The following ZBTB22 variants were observed in gnomAD, a reference collection of about 807,000 sequenced individuals.
The protein encoded by ZBTB22 is zinc finger and BTB domain-containing protein 22.
For missense variants in ZBTB22, 668 were observed against 834.1 expected (o/e 0.80, Z 2.45); for synonymous variants, 356 against 347.3 (o/e 1.03, Z -0.28).
In ZBTB22 at chr6:33,316,876, G is replaced by A. The variant is rs199691306; in HGVS notation, c.41C>T (p.Pro14Leu). The change falls in exon 2 of 2, where the codon CCC becomes CTC. Residue 14 changes from proline (P) to leucine (L), a missense_variant. Pro to Leu is a moderately conservative substitution (Grantham distance 98). Transcript: ENST00000431845. This position sits in a 1 kb window ranked among gnomAD's most constrained non-coding sequence, Gnocchi z 7.2. Reference protein sequence around the residue: ...SPLSPSGAALPLPLSLAPPPL... With the variant: ...SPLSPSGAALLLPLSLAPPPL... ...GGGCGGAGCCAGCGACAGCGGCAGG[G>A]GAAGTGCTGCCCCACTGGGAGACAG... The A allele has an allele frequency of 5.0e-6, 8 of 1,612,136 alleles. No individual in the cohort carries two copies. In the Admixed American group the frequency reaches 1.0e-4, roughly 20 times the overall value.
Position 33,314,817 on chromosome 6 carries a change from T to G in ZBTB22, c.*195A>C, listed in dbSNP as rs1562705066. ...GAAGGGTTTAGTTCTGGAAATACCT[T>G]GGGGGGGAGGGGTTGAGTAGTAGAA... On this transcript the variant is annotated 3_prime_UTR_variant, in exon 2 of 2. Coordinates refer to ENST00000431845, the MANE Select transcript of ZBTB22 (RefSeq NM_005453.5). 2.7e-6 allele frequency: 3 copies of G among 1,111,472 alleles called. No homozygotes were observed. The highest frequency in any genetic ancestry group is 3.5e-5 in the Admixed American group (1 of 28,724). 68.9% of individuals were successfully genotyped at this position (1,111,472 alleles called of 1,614,324 possible). A position where few individuals can be genotyped will look rare whatever the true frequency, so the allele number is the denominator to read the frequency against.
Position 33,315,195 on chromosome 6 carries a change from G to C in ZBTB22, c.1722C>G (p.Ala574=), listed in dbSNP as rs773239623. Residue 574 remains alanine (A), a synonymous_variant, in exon 2 of 2, where the codon GCC becomes GCG. Transcript: ENST00000431845. This position sits in a 1 kb window ranked among gnomAD's most constrained non-coding sequence, Gnocchi z 5.4. The stretch of plus-strand genomic sequence containing the variant: ...CCGTGGGAGTCCCAGGCCCAGGTAC[G>C]GCCCCGACCCCGCCCAGGCGGTGCC... ...ERRHRLGGVG[A]VPGPGTPTGP... 5.0e-6 allele frequency: 8 copies of C among 1,612,412 alleles called. No homozygotes were observed. Among genetic ancestry groups the C allele is most frequent in the Non-Finnish European group, 5.9e-6 (7 of 1,179,208 alleles).
At position 33,315,453 on chromosome 6, in the gene ZBTB22, G is replaced by A. The variant is rs1345743306; in HGVS notation, c.1464C>T (p.Cys488=). The A allele has an allele frequency of 3.7e-6, 6 of 1,614,002 alleles. No homozygotes were observed. The African/African-American group carries it at 4.0e-5, about 11-fold the overall frequency. Reference sequence around the variant, plus strand: ...TGTGGGAGAAGGCCTTCCCACAATGGCACAGAAAGATCTTATTCCCGTCCC... The same window carrying A: ...TGTGGGAGAAGGCCTTCCCACAATGACACAGAAAGATCTTATTCCCGTCCC... The part of the protein sequence containing the change: ...GSGDGNKIFL[C]HCGKAFSHKS... Residue 488 remains cysteine, a synonymous_variant, in exon 2 of 2, where the codon TGC becomes TGT. Coordinates refer to ENST00000431845, the MANE Select transcript of ZBTB22 (RefSeq NM_005453.5). This position sits in a 1 kb window ranked among gnomAD's most constrained non-coding sequence, Gnocchi z 5.4.
rs756819129 is a variant in ZBTB22 at position 33,316,382 on chromosome 6, C to T, written c.535G>A (p.Gly179Ser). 1 of 1,614,050 alleles carries T rather than the reference C, an allele frequency of 6.2e-7. No individual in the cohort carries two copies. Among genetic ancestry groups the T allele is most frequent in the South Asian group, 1.1e-5 (1 of 91,082 alleles). ...CCCATGGTAGCAGGGGCCACAGTGC[C>T]CCCACTCCCGGATGGCACCCCAGCA... ...PGAGVPSGSGGTVAPATMGSA... is the reference protein window; with the variant it reads ...PGAGVPSGSGSTVAPATMGSA... Residue 179 changes from glycine to serine, a missense_variant, in exon 2 of 2, where the codon GGC becomes AGC. Transcript: ENST00000431845. This position sits in a 1 kb window ranked among gnomAD's most constrained non-coding sequence, Gnocchi z 7.2.
Position 33,315,540 on chromosome 6 carries a change from C to T in ZBTB22, c.1377G>A (p.Thr459=), listed in dbSNP as rs749582553. The change falls in exon 2 of 2, where the codon ACG becomes ACA. Residue 459 remains threonine (T), a synonymous_variant. Transcript: ENST00000431845. The surrounding 1 kb of genome is among the most constrained non-coding windows in gnomAD (Gnocchi z 5.4). ...AEHGAVTVGG[T]SVGSLGVPGS... ...CCGGCACACCCAGGCTCCCCACCGA[C>T]GTGCCCCCCACGGTCACTGCCCCGT... is the stretch of plus-strand genomic sequence containing the variant. The T allele has an allele frequency of 1.2e-6, 2 of 1,613,934 alleles. No individual in the cohort carries two copies. Among genetic ancestry groups the T allele is most frequent in the Non-Finnish European group, 1.7e-6 (2 of 1,180,028 alleles).
Position 33,315,825 on chromosome 6 carries a change from C to G in ZBTB22, c.1092G>C (p.Leu364=). The part of the protein sequence containing the change: ...ATLSISDVRT[L]SEPPDKGEEQ... ...CCTCCCCCTTGTCTGGGGGCTCACT[C>G]AGGGTACGGACATCACTTATGCTGA... The change falls in exon 2 of 2, where the codon CTG becomes CTC. Residue 364 remains leucine (L), a synonymous_variant. Coordinates refer to ENST00000431845, the MANE Select transcript of ZBTB22 (RefSeq NM_005453.5). The surrounding 1 kb of genome is among the most constrained non-coding windows in gnomAD (Gnocchi z 5.4). 1.9e-6 allele frequency: 3 copies of G among 1,612,858 alleles called. No homozygotes were observed. The highest frequency in any genetic ancestry group is 2.5e-6 in the Non-Finnish European group (3 of 1,179,266).
In ZBTB22 at chr6:33,314,854, T is replaced by C; in HGVS notation, c.*158A>G. On this transcript the variant is annotated 3_prime_UTR_variant, in exon 2 of 2. Transcript: ENST00000431845. ...GTTGAGTAGTAGAATGGGCGGGCGA[T>C]GGTGAAACTGTGGTTCCCCTTCCAG... 3 of 1,365,092 alleles carry C rather than the reference T, an allele frequency of 2.2e-6. No homozygotes were observed. Among genetic ancestry groups the C allele is most frequent in the Non-Finnish European group, 1.9e-6 (2 of 1,040,860 alleles). The allele number at this position is 1,365,092 out of a possible 1,614,324, so 84.6% of individuals were successfully genotyped here.
Position 33,315,638 on chromosome 6 carries a change from G to C in ZBTB22, c.1279C>G (p.Leu427Val). ...LPLDMQGNQI[L>V]VFPSSSSSSS... ...GATGAAGACGACGACGGGAAGACCAGGATCTGGTTGCCCTGCATGTCCAAG... is the reference window on the plus strand; with the variant it reads ...GATGAAGACGACGACGGGAAGACCACGATCTGGTTGCCCTGCATGTCCAAG... Residue 427 changes from leucine to valine, a missense_variant, in exon 2 of 2, where the codon CTG becomes GTG. Coordinates refer to ENST00000431845, the MANE Select transcript of ZBTB22 (RefSeq NM_005453.5). This position sits in a 1 kb window ranked among gnomAD's most constrained non-coding sequence, Gnocchi z 5.4. 4 of 1,614,010 alleles carry C rather than the reference G, an allele frequency of 2.5e-6. No homozygotes were observed. Among genetic ancestry groups the C allele is most frequent in the Non-Finnish European group, 3.4e-6 (4 of 1,179,988 alleles).
In ZBTB22 at chr6:33,315,852, G is replaced by A. The variant is rs745350796; in HGVS notation, c.1065C>T (p.Thr355=). 6 of 1,613,422 alleles carry A rather than the reference G, an allele frequency of 3.7e-6. No individual in the cohort carries two copies. Among genetic ancestry groups the A allele is most frequent in the South Asian group, 2.2e-5 (2 of 91,048 alleles). Residue 355 remains threonine, a synonymous_variant, in exon 2 of 2, where the codon ACC becomes ACT. Transcript: ENST00000431845. This position sits in a 1 kb window ranked among gnomAD's most constrained non-coding sequence, Gnocchi z 5.4. Reference sequence around the variant, plus strand: ...GGGTACGGACATCACTTATGCTGAGGGTAGCCTCAGGCCCTCCCCCCACTG... The same window carrying A: ...GGGTACGGACATCACTTATGCTGAGAGTAGCCTCAGGCCCTCCCCCCACTG... ...RVPVGGGPEA[T]LSISDVRTLS...
chr6:33,314,655 C>G lies in ZBTB22; in HGVS notation c.*357G>C. 1 of 276,250 alleles carries G rather than the reference C, an allele frequency of 3.6e-6. No homozygotes were observed. The highest frequency in any genetic ancestry group is 6.9e-6 in the Non-Finnish European group (1 of 145,706). The allele number at this position is 276,250 out of a possible 1,614,324, so 17.1% of individuals were successfully genotyped here. A position where few individuals can be genotyped will look rare whatever the true frequency, so the allele number is the denominator to read the frequency against. ...CCTTGTCTCCACGACAACACAAACA[C>G]AGACTTCAGGCACAGACTACAACCA... On this transcript the variant is annotated 3_prime_UTR_variant, in exon 2 of 2. Coordinates refer to ENST00000431845, the MANE Select transcript of ZBTB22 (RefSeq NM_005453.5).
At position 33,315,906 on chromosome 6, in the gene ZBTB22, ATCT is replaced by A. The variant is rs1273985408; in HGVS notation, c.1008_1010del (p.Glu336del). On this transcript the variant is annotated inframe_deletion, in exon 2 of 2. Coordinates refer to ENST00000431845, the MANE Select transcript of ZBTB22 (RefSeq NM_005453.5). The surrounding 1 kb of genome is among the most constrained non-coding windows in gnomAD (Gnocchi z 5.4). ...CCCTGGAGCTACCCCCTAGTTCTTC[ATCT>A]TCATCATCCTCACAGGTCAACACCA... is the stretch of plus-strand genomic sequence containing the variant. 2 of 1,613,604 alleles carry A rather than the reference ATCT, an allele frequency of 1.2e-6. No individual in the cohort carries two copies. The highest frequency in any genetic ancestry group is 1.3e-5 in the African/African-American group (1 of 74,820).
rs1214295739 is a variant in ZBTB22, at chr6:33,317,501, C to CA, written c.-70+151_-70+152insT. ...CCCGCCCCTTTCCAGGCCCACCCCC[C>CA]CGTGCCCCGCCCACTATCGGGCCTT... On this transcript the variant is annotated intron_variant, in intron 1 of 1. Coordinates refer to ENST00000431845, the MANE Select transcript of ZBTB22 (RefSeq NM_005453.5). Among the ~76,000 whole-genome samples, 17 of 140,132 alleles carry CA rather than the reference C, an allele frequency of 1.2e-4. No homozygotes were observed. The East Asian group carries it at 3.7e-3, about 31-fold the overall frequency. 91.9% of individuals were successfully genotyped at this position (140,132 alleles called of 152,430 possible).
Position 33,314,683 on chromosome 6 carries a change from T to A in ZBTB22, c.*329A>T. On this transcript the variant is annotated 3_prime_UTR_variant, in exon 2 of 2. Coordinates refer to ENST00000431845, the MANE Select transcript of ZBTB22 (RefSeq NM_005453.5). Reference sequence around the variant, plus strand: ...ACTTCAGGCACAGACTACAACCACCTGACCCCTGACCCTGTGACTGCAGGA... The same window carrying A: ...ACTTCAGGCACAGACTACAACCACCAGACCCCTGACCCTGTGACTGCAGGA... The A allele has an allele frequency of 5.7e-6, 2 of 348,198 alleles. No individual in the cohort carries two copies. Among genetic ancestry groups the A allele is most frequent in the African/African-American group, 4.2e-5 (2 of 47,782 alleles). 21.6% of individuals were successfully genotyped at this position (348,198 alleles called of 1,614,324 possible). A position where few individuals can be genotyped will look rare whatever the true frequency, so the allele number is the denominator to read the frequency against.
At position 33,315,887 on chromosome 6, in the gene ZBTB22, A is replaced by G. The variant is rs768338437; in HGVS notation, c.1030T>C (p.Ser344Pro). The G allele has an allele frequency of 5.0e-6, 8 of 1,613,708 alleles. No individual in the cohort carries two copies. Among genetic ancestry groups the G allele is most frequent in the South Asian group, 1.1e-5 (1 of 91,068 alleles). ...DDEDEELGGS[S>P]RVPVGGGPEA... ...GGCCCTCCCCCCACTGGAACCCTGG[A>G]GCTACCCCCTAGTTCTTCATCTTCA... Residue 344 changes from serine to proline, a missense_variant, in exon 2 of 2, where the codon TCC (serine) becomes CCC (proline). Coordinates refer to ENST00000431845, the MANE Select transcript of ZBTB22 (RefSeq NM_005453.5). This position sits in a 1 kb window ranked among gnomAD's most constrained non-coding sequence, Gnocchi z 5.4.
Position 33,315,161 on chromosome 6 carries a change from A to G in ZBTB22, c.1756T>C (p.Leu586=). The G allele has an allele frequency of 6.2e-7, 1 of 1,612,940 alleles. No individual in the cohort carries two copies. Among genetic ancestry groups the G allele is most frequent in the Non-Finnish European group, 8.5e-7 (1 of 1,179,326 alleles). Residue 586 remains leucine (L), a synonymous_variant, in exon 2 of 2, where the codon TTG becomes CTG. Coordinates refer to ENST00000431845, the MANE Select transcript of ZBTB22 (RefSeq NM_005453.5). The surrounding 1 kb of genome is among the most constrained non-coding windows in gnomAD (Gnocchi z 5.4). Reference sequence around the variant, plus strand: ...CCGGGAGACTCTCTCTTGGACGGCAAGGATGGCCCCGTGGGAGTCCCAGGC... The same window carrying G: ...CCGGGAGACTCTCTCTTGGACGGCAGGGATGGCCCCGTGGGAGTCCCAGGC... ...PGPGTPTGPS[L]PSKRESPGVG...
Position 33,316,226 on chromosome 6 carries a change from C to T in ZBTB22, c.691G>A (p.Gly231Ser). Residue 231 changes from glycine to serine, a missense_variant, in exon 2 of 2, where the codon GGC becomes AGC. Physicochemically the swap from Gly to Ser is moderately conservative, Grantham distance 56 (BLOSUM62 0). Coordinates refer to ENST00000431845, the MANE Select transcript of ZBTB22 (RefSeq NM_005453.5). The surrounding 1 kb of genome is among the most constrained non-coding windows in gnomAD (Gnocchi z 7.2). Reference sequence around the variant, plus strand: ...CCACCTCCTCGACGCTCCCCACTGCCCACTGCAGAAGCTGCAAATGCCTCT... The same window carrying T: ...CCACCTCCTCGACGCTCCCCACTGCTCACTGCAGAAGCTGCAAATGCCTCT... Reference protein sequence around the residue: ...SQEAFAASAVGSGERRGGGPV... With the variant: ...SQEAFAASAVSSGERRGGGPV... 1 of 1,614,190 alleles carries T rather than the reference C, an allele frequency of 6.2e-7. No homozygotes were observed. The highest frequency in any genetic ancestry group is 8.5e-7 in the Non-Finnish European group (1 of 1,180,044).
At chr6:33,317,497 C>CA (rs1279460179) in intron 1 of ZBTB22, among the ~76,000 whole-genome samples, 156 bp downstream of exon 1, 3 of 135,596 alleles carry the variant, frequency 2.2e-5, no homozygotes, top group Admixed American at 7.4e-5. Context: ...CCAGGCCCAC[C>CA]CCCCCGTGCC....
rs757902613 is a variant in ZBTB22, at chr6:33,315,157, G to A, written c.1760C>T (p.Pro587Leu). 9 of 1,612,878 alleles carry A rather than the reference G, an allele frequency of 5.6e-6. No homozygotes were observed. Among genetic ancestry groups the A allele is most frequent in the African/African-American group, 4.0e-5 (3 of 74,900 alleles). ...CACTCCGGGAGACTCTCTCTTGGAC[G>A]GCAAGGATGGCCCCGTGGGAGTCCC... ...GPGTPTGPSL[P>L]SKRESPGVGG... is the part of the protein sequence containing the mutation. The change falls in exon 2 of 2, where the codon CCG (proline) becomes CTG (leucine). Residue 587 changes from proline to leucine, a missense_variant. Transcript: ENST00000431845. This position sits in a 1 kb window ranked among gnomAD's most constrained non-coding sequence, Gnocchi z 5.4.
Position 33,316,283 on chromosome 6 carries a change from T to G in ZBTB22, c.634A>C (p.Arg212=). ...GAAGATGAGAAATCAGTGGACTCCC[T>G]GGGGCTGAAGTAGTTGCTGCTGCTG... The part of the protein sequence containing the change: ...SPSSSNYFSP[R]ESTDFSSSSQ... The change falls in exon 2 of 2, where the codon AGG becomes CGG. Residue 212 remains arginine (R), a synonymous_variant. Coordinates refer to ENST00000431845, the MANE Select transcript of ZBTB22 (RefSeq NM_005453.5). This position sits in a 1 kb window ranked among gnomAD's most constrained non-coding sequence, Gnocchi z 7.2. 3 of 1,614,102 alleles carry G rather than the reference T, an allele frequency of 1.9e-6. No individual in the cohort carries two copies. Among genetic ancestry groups the G allele is most frequent in the Non-Finnish European group, 2.5e-6 (3 of 1,180,006 alleles).
Sources: gnomAD v4.1 joint callset for allele counts (sites outside exome capture counted in the v4.1 genomes callset) on GRCh38, gnomAD v4.1.1 for gene constraint, Gnocchi (gnomAD v3.1) non-coding constraint, MANE v1.5 for transcripts, NCBI Gene and HGNC (gene_info 2026-07-23, HGNC 2026-07-21) for gene names.